THRB: variants seen among roughly 807,000 people sequenced by gnomAD.
THRB encodes the protein thyroid hormone receptor beta, also known as nuclear receptor subfamily 1 group A member 2.
In THRB, 12 loss-of-function variants were observed where a neutral mutation model predicts 47.8. The ratio of observed to expected loss-of-function variants is 0.25; its 90% confidence interval spans 0.16 to 0.41. The LOEUF is 0.41. Ranked by LOEUF, THRB falls within the 10% of genes least tolerant of loss-of-function variation. The pLI, the probability that THRB is intolerant of heterozygous loss-of-function variation, is 1.00. For missense variants in THRB, 348 were observed against 589.2 expected (o/e 0.59, Z 4.24); for synonymous variants, 218 against 212.2 (o/e 1.03, Z -0.24).
At chr3:24,408,930 T>C (rs990933618) in intron 1 of THRB, among the ~76,000 whole-genome samples, 3 of 151,850 alleles carry the variant, frequency 2.0e-5, no homozygotes, top group Non-Finnish European at 4.4e-5. Flanking sequence ...CTTCCATCAA[T>C]GCTGCAAAAA....
intron 3 of THRB, among the ~76,000 whole-genome samples, chr3:24,269,588 G>A (rs911208798): frequency 7.1e-6 from 1 of 140,734 alleles, no homozygotes. Context: ...ACTACACCTG[G>A]ATAATTTTTA....
chr3:24,255,856 G>A (rs1163853042), intron 3 of THRB, among the ~76,000 whole-genome samples: 1 of 152,170 alleles, frequency 6.6e-6, no homozygotes, highest in Non-Finnish European at 1.5e-5. Context: ...AGTGAAGGAA[G>A]TAGCAATGAT....
chr3:24,255,718 G>C (rs977739791), intron 3 of THRB, among the ~76,000 whole-genome samples: 25 of 152,356 alleles, frequency 1.6e-4, no homozygotes, highest in African/African-American at 6.0e-4. Flanking sequence ...GTAGGCAGAA[G>C]GGTGAGGACA....
At chr3:24,385,097 CTGAT>C (rs559054195) in intron 1 of THRB, among the ~76,000 whole-genome samples, 74 of 152,154 alleles carry the variant, frequency 4.9e-4, no homozygotes, top group Middle Eastern at 3.4e-3. Flanking sequence ...ACAATGCAAT[CTGAT>C]TGTCATTTCT....
intron 3 of THRB, among the ~76,000 whole-genome samples, chr3:24,235,738 A>G (rs1348138739): frequency 6.6e-6 from 1 of 152,152 alleles, no homozygotes; most frequent in Admixed American, 6.5e-5. Context: ...AGGCCTTCAG[A>G]GAAGGACATA....
intron 2 of THRB, among the ~76,000 whole-genome samples, chr3:24,305,296 G>C (rs1471034415): frequency 1.3e-5 from 2 of 152,202 alleles, no homozygotes; most frequent in African/African-American, 4.8e-5. Flanking sequence ...AGGACTCTAA[G>C]ATGATTCAAG....
chr3:24,273,450 A>G (rs1163245448), intron 3 of THRB, among the ~76,000 whole-genome samples: 1 of 152,224 alleles, frequency 6.6e-6, no homozygotes, highest in Non-Finnish European at 1.5e-5. Context: ...TATGGTTATA[A>G]CTGAATAATT....
intron 3 of THRB, among the ~76,000 whole-genome samples, chr3:24,284,623 C>T (rs2055038549): frequency 6.7e-6 from 1 of 150,224 alleles, no homozygotes; most frequent in Non-Finnish European, 1.5e-5. Flanking sequence ...GCAAAAGAAA[C>T]TACCATCAGA....
intron 4 of THRB, among the ~76,000 whole-genome samples, chr3:24,225,669 G>T (rs961270462): frequency 6.6e-6 from 1 of 152,056 alleles, no homozygotes; most frequent in African/African-American, 2.4e-5. Flanking sequence ...CTCATATCTT[G>T]GAACAAATTT....
At chr3:24,262,340 C>G (rs565727631) in intron 3 of THRB, among the ~76,000 whole-genome samples, 42 of 152,226 alleles carry the variant, frequency 2.8e-4, no homozygotes, top group Non-Finnish European at 4.7e-4. Flanking sequence ...CTCAACATAG[C>G]AGCCAGAGGT....
At chr3:24,321,884 A>G (rs142189336) in intron 2 of THRB, among the ~76,000 whole-genome samples, 248 of 152,310 alleles carry the variant, frequency 1.6e-3, no homozygotes, top group Non-Finnish European at 2.5e-3. Flanking sequence ...TATCTCATTA[A>G]TATTTTTCTG....
chr3:24,392,739 T>A (rs1229637038), intron 1 of THRB, among the ~76,000 whole-genome samples: 1 of 152,154 alleles, frequency 6.6e-6, no homozygotes, highest in African/African-American at 2.4e-5. Context: ...ATAGTTATAG[T>A]TATATGAGTA....
chr3:24,362,718 C>T (rs1577099472), intron 1 of THRB, among the ~76,000 whole-genome samples: 1 of 152,112 alleles, frequency 6.6e-6, no homozygotes, highest in East Asian at 1.9e-4. Flanking sequence ...GAATTTAATC[C>T]TCACAACAAC....
At chr3:24,331,566 T>C (rs554103851) in intron 2 of THRB, among the ~76,000 whole-genome samples, 59 of 152,292 alleles carry the variant, frequency 3.9e-4, no homozygotes, top group African/African-American at 1.4e-3. Flanking sequence ...CTATTGGTGG[T>C]ATGGAGCCCT....
chr3:24,300,405 A>G (rs889775339), intron 2 of THRB, among the ~76,000 whole-genome samples: 3 of 152,244 alleles, frequency 2.0e-5, no homozygotes, highest in Non-Finnish European at 2.9e-5. Context: ...TATCCATGAT[A>G]CACGTGCACC....
At chr3:24,420,854 A>G (rs1286436168) in intron 1 of THRB, among the ~76,000 whole-genome samples, 1 of 151,990 alleles carries the variant, frequency 6.6e-6, no homozygotes, top group Non-Finnish European at 1.5e-5. Context: ...CTAGGTATAT[A>G]CCAGAAGGAA....
chr3:24,484,800 T>C (rs942354492), intron 1 of THRB, among the ~76,000 whole-genome samples: 5 of 152,212 alleles, frequency 3.3e-5, no homozygotes, highest in Admixed American at 6.5e-5. Context: ...TAGCCTGTTA[T>C]AGATAATGTT....
intron 7 of THRB, chr3:24,144,413 A>G (rs2149012647): frequency 6.5e-6 from 1 of 152,766 alleles, no homozygotes; most frequent in African/African-American, 2.4e-5. Context: ...TAGCTGTGTG[A>G]CCTCTGGCAA....
chr3:24,364,785 G>A (rs771233522), intron 1 of THRB, among the ~76,000 whole-genome samples: 5 of 151,944 alleles, frequency 3.3e-5, no homozygotes, highest in Non-Finnish European at 4.4e-5. Context: ...AACGTTTTTC[G>A]GACAAACAAC....
Sources: allele counts gnomAD v4.1 joint callset (sites outside exome capture counted in the v4.1 genomes callset), GRCh38; gene constraint gnomAD v4.1.1; transcripts MANE v1.5; gene names NCBI Gene and HGNC (gene_info 2026-07-23, HGNC 2026-07-21).